HADHB: variants seen among roughly 807,000 people sequenced by gnomAD.
The protein encoded by HADHB is trifunctional enzyme subunit beta, mitochondrial.
In HADHB, 50 loss-of-function variants were observed where a neutral mutation model predicts 61.9. The observed-to-expected ratio is 0.81, with a 90% CI of 0.64 to 1.02. The LOEUF is 1.02. Among genes scored for constraint, HADHB ranks in the 50% least tolerant of loss-of-function variants. The pLI, the probability that HADHB is intolerant of heterozygous loss-of-function variation, is 0.00. For synonymous variants in HADHB, 191 were observed against 201.6 expected (o/e 0.95, Z 0.45); for missense variants, 504 against 586.5 (o/e 0.86, Z 1.45).
intron 10 of HADHB, among the ~76,000 whole-genome samples, chr2:26,282,251 C>CTTTTT (rs67626722): frequency 1.3e-3 from 136 of 106,776 alleles, no homozygotes; most frequent in Non-Finnish European, 1.7e-3. Context: ...GCAGTTCTTT[C>CTTTTT]TTTTTTTTTT....
intron 3 of HADHB, among the ~76,000 whole-genome samples, chr2:26,260,326 C>T (rs1461115915): frequency 6.6e-6 from 1 of 152,118 alleles, no homozygotes; most frequent in Non-Finnish European, 1.5e-5. Context: ...AAATGATCTG[C>T]CTGCCTCAGC....
chr2:26,273,739 G>A lies in HADHB; in HGVS notation c.343G>A (p.Val115Met), dbSNP rs1432653984. 6.4e-7 allele frequency: 1 copy of A among 1,573,470 alleles called. No homozygotes were observed. The highest frequency in any genetic ancestry group is 1.7e-5 in the Admixed American group (1 of 59,992). ...TATTCAGGAAGTGAAAACAAGCAAT[G>A]TGGCTAGAGAGGTGAGTAAAACAAA... ...TVIQEVKTSNVAREAALGAGF... is the reference protein window; with the variant it reads ...TVIQEVKTSNMAREAALGAGF... Residue 115 changes from valine (V) to methionine (M), a missense_variant, in exon 6 of 16, where the codon GTG (valine) becomes ATG (methionine). Transcript: ENST00000317799.
chr2:26,257,769 C>T (rs1221749955), intron 3 of HADHB, among the ~76,000 whole-genome samples: 1 of 152,072 alleles, frequency 6.6e-6, no homozygotes, highest in African/African-American at 2.4e-5. Flanking sequence ...CCTGTAATCC[C>T]AGCACTTTGG....
At chr2:26,262,161 A>G (rs190721112) in intron 3 of HADHB, among the ~76,000 whole-genome samples, 8 of 152,336 alleles carry the variant, frequency 5.3e-5, no homozygotes, top group Admixed American at 3.9e-4. Flanking sequence ...TACTATAAAT[A>G]CTTCTCTGTG....
At chr2:26,286,594 G>C (rs112790130) in intron 15 of HADHB, among the ~76,000 whole-genome samples, 6,826 of 151,804 alleles carry the variant, frequency 0.045, 490 homozygotes, top group African/African-American at 0.15. Context: ...CCTCTGCCTC[G>C]CGAGTTCAAG....
intron 6 of HADHB, among the ~76,000 whole-genome samples, chr2:26,274,804 A>T (rs983211725): frequency 1.3e-5 from 2 of 151,962 alleles, no homozygotes; most frequent in African/African-American, 4.8e-5. Flanking sequence ...TAAATAGTAA[A>T]TTTTTTTGCT....
intron 4 of HADHB, among the ~76,000 whole-genome samples, chr2:26,268,653 A>C (rs1259816238): frequency 6.6e-6 from 1 of 152,238 alleles, no homozygotes; most frequent in Non-Finnish European, 1.5e-5. Context: ...AGAAACTGTC[A>C]CAAATTGGAG....
At chr2:26,255,861 C>A (rs908990211) in intron 3 of HADHB, among the ~76,000 whole-genome samples, 1 of 152,154 alleles carries the variant, frequency 6.6e-6, no homozygotes, top group African/African-American at 2.4e-5. Flanking sequence ...GTAGTAGCCC[C>A]ATAAATAATT....
In HADHB at chr2:26,268,539, A is replaced by T. The variant is rs566197682; in HGVS notation, c.210-1414A>T. ...TCATGTTGATATCATGTGCCCCCTG[A>T]TACGAAGCTAAGAGAAATACAGTTT... On this transcript the variant is annotated intron_variant, in intron 4 of 15. Coordinates refer to ENST00000317799, the MANE Select transcript of HADHB (RefSeq NM_000183.3). Among the ~76,000 whole-genome samples, 4 of 152,328 alleles carry T rather than the reference A, an allele frequency of 2.6e-5. No individual in the cohort carries two copies. The South Asian group carries it at 6.2e-4, about 24-fold the overall frequency.
chr2:26,269,170 AG>A (rs1016068787), intron 4 of HADHB, among the ~76,000 whole-genome samples: 31 of 149,580 alleles, frequency 2.1e-4, no homozygotes, highest in Admixed American at 5.4e-4. Context: ...AAAAAACAGC[AG>A]GGGGAAAGAG....
intron 15 of HADHB, among the ~76,000 whole-genome samples, chr2:26,288,404 G>A (rs1673129807): frequency 6.6e-6 from 1 of 151,946 alleles, no homozygotes. Context: ...TTGTCTGCTT[G>A]TGCCTTTTCA....
chr2:26,251,973 G>A (rs1031661069), intron 1 of HADHB, among the ~76,000 whole-genome samples: 2 of 152,210 alleles, frequency 1.3e-5, no homozygotes, highest in Non-Finnish European at 2.9e-5. Flanking sequence ...TTTCCCATAA[G>A]GTGGCTGTCA....
chr2:26,269,906 T>C (rs757100733), intron 4 of HADHB, 47 bp from the exon 5 acceptor site: 12 of 1,303,610 alleles, frequency 9.2e-6, no homozygotes, highest in South Asian at 2.4e-5. Context: ...AAATTTTTCA[T>C]TGAAGCTCTA....
At chr2:26,252,592 T>C (rs1046691463) in intron 1 of HADHB, among the ~76,000 whole-genome samples, 1 of 152,222 alleles carries the variant, frequency 6.6e-6, no homozygotes, top group African/African-American at 2.4e-5. Context: ...GATAGCATGC[T>C]GTACAGCTAT....
chr2:26,254,698 C>T (rs1043447776), intron 3 of HADHB: 2 of 507,484 alleles, frequency 3.9e-6, no homozygotes, highest in African/African-American at 3.9e-5. Flanking sequence ...AGGCTGTTTT[C>T]TGGGATTTGA....
At chr2:26,254,541 ACT>A (rs1306730755) in intron 3 of HADHB, 67 bp downstream of exon 3, 2 of 1,110,898 alleles carry the variant, frequency 1.8e-6, no homozygotes, top group South Asian at 2.5e-5. Flanking sequence ...TAGTTTGTGA[ACT>A]CTGAATAAAA....
At chr2:26,267,282 G>A (rs1672125765) in intron 4 of HADHB, among the ~76,000 whole-genome samples, 1 of 152,104 alleles carries the variant, frequency 6.6e-6, no homozygotes, top group Non-Finnish European at 1.5e-5. Flanking sequence ...GGCTGAGCCA[G>A]AGAAAAGACA....
At chr2:26,282,726 A>ATAG (rs1251475399) in intron 10 of HADHB, 119 bp from the exon 11 acceptor site, 1 of 733,660 alleles carries the variant, frequency 1.4e-6, no homozygotes, top group African/African-American at 1.7e-5. Context: ...GTGTTGTTAT[A>ATAG]TAGAATCACT....
chr2:26,285,739 G>GTTTTTTTTGTTTTTTTTT (rs1673001478), intron 15 of HADHB, among the ~76,000 whole-genome samples, 168 bp downstream of exon 15: 1 of 65,082 alleles, frequency 1.5e-5, no homozygotes, highest in Non-Finnish European at 2.9e-5. Flanking sequence ...TGTTTTTTGG[G>GTTTTTTTTGTTTTTTTTT]TTTTTTTTTT....
Sources: allele counts gnomAD v4.1 joint callset (sites outside exome capture counted in the v4.1 genomes callset), GRCh38; gene constraint gnomAD v4.1.1; transcripts MANE v1.5; gene names NCBI Gene and HGNC (gene_info 2026-07-23, HGNC 2026-07-21).